Variants in CACNA2D3 observed in about 807,000 individuals in gnomAD.
CACNA2D3 encodes voltage-dependent calcium channel subunit alpha-2/delta-3.
Under a neutral mutation model 160.6 loss-of-function variants are expected in CACNA2D3, and 60 were observed. That is an observed-to-expected ratio of 0.37 (90% CI 0.30 to 0.46). CACNA2D3 has a LOEUF of 0.46. CACNA2D3 is among the 20% of genes least tolerant of loss of function. CACNA2D3 has a pLI of 1.00. For synonymous variants in CACNA2D3, 558 were observed against 492.9 expected (o/e 1.13, Z -1.75); for missense variants, 1,205 against 1,365.0 (o/e 0.88, Z 1.85).
intron 4 of CACNA2D3, among the ~76,000 whole-genome samples, chr3:54,436,782 G>A (rs1054371571): frequency 6.6e-6 from 1 of 152,154 alleles, no homozygotes; most frequent in East Asian, 1.9e-4. Context: ...CCTGTCGGGG[G>A]TGGGGAGCAA....
At chr3:54,677,124 A>T (rs917592159) in intron 11 of CACNA2D3, among the ~76,000 whole-genome samples, 2 of 152,232 alleles carry the variant, frequency 1.3e-5, no homozygotes, top group African/African-American at 4.8e-5. Flanking sequence ...TACATGATTA[A>T]GTTTACAAGC....
chr3:54,691,044 CTG>C (rs1194211966), intron 11 of CACNA2D3, among the ~76,000 whole-genome samples: 17 of 152,128 alleles, frequency 1.1e-4, no homozygotes, highest in African/African-American at 3.9e-4. Context: ...GTGCGTGTGT[CTG>C]TGTGTGTTTG....
chr3:54,637,765 CAAG>C (rs1043451341), intron 10 of CACNA2D3: 32 of 151,990 alleles, frequency 2.1e-4, no homozygotes, highest in Admixed American at 1.2e-3. Context: ...GCCAGTAAGC[CAAG>C]AAGGAGTCAG....
At chr3:54,462,410 A>G (rs1700524131) in intron 4 of CACNA2D3, among the ~76,000 whole-genome samples, 1 of 152,130 alleles carries the variant, frequency 6.6e-6, no homozygotes, top group Admixed American at 6.5e-5. Context: ...GTGGGAGTCT[A>G]AGTCTCTTTG....
At chr3:54,861,055 G>A (rs1464140731) in intron 17 of CACNA2D3, among the ~76,000 whole-genome samples, 1 of 152,150 alleles carries the variant, frequency 6.6e-6, no homozygotes, top group Non-Finnish European at 1.5e-5. Context: ...CACTGTCCTA[G>A]GCATGTGGTC....
At chr3:54,980,765 A>C (rs1383576181) in intron 29 of CACNA2D3, among the ~76,000 whole-genome samples, 2 of 152,188 alleles carry the variant, frequency 1.3e-5, no homozygotes, top group African/African-American at 2.4e-5. Flanking sequence ...AATTTTCAAA[A>C]ATCAAAGAAG....
intron 3 of CACNA2D3, among the ~76,000 whole-genome samples, chr3:54,386,473 G>A (rs558521089): frequency 6.6e-6 from 1 of 152,296 alleles, no homozygotes; most frequent in African/African-American, 2.4e-5. Flanking sequence ...CAGAACACGT[G>A]TGCATTTATA....
intron 2 of CACNA2D3, among the ~76,000 whole-genome samples, chr3:54,260,219 A>C (rs562137004): frequency 5.8e-4 from 89 of 152,332 alleles, no homozygotes; most frequent in Non-Finnish European, 8.8e-4. Flanking sequence ...CTAGACCCCT[A>C]GAATTGACTG....
At chr3:54,409,580 G>A (rs989687112) in intron 4 of CACNA2D3, among the ~76,000 whole-genome samples, 6 of 152,210 alleles carry the variant, frequency 3.9e-5, no homozygotes, top group Admixed American at 2.6e-4. Flanking sequence ...GTTGAAAGCA[G>A]AGATGGGCCG....
At chr3:54,132,103 G>A (rs1699723089) in intron 2 of CACNA2D3, among the ~76,000 whole-genome samples, 2 of 152,252 alleles carry the variant, frequency 1.3e-5, no homozygotes, top group African/African-American at 4.8e-5. Flanking sequence ...TGAAATGTCT[G>A]TTAGTGCAAT....
chr3:54,577,937 G>A (rs1416663737), intron 8 of CACNA2D3, among the ~76,000 whole-genome samples: 1 of 152,180 alleles, frequency 6.6e-6, no homozygotes, highest in Middle Eastern at 3.2e-3. Flanking sequence ...AACAGCATCC[G>A]AGTCCCCGTA....
chr3:54,950,242 A>C (rs977573854), intron 27 of CACNA2D3, among the ~76,000 whole-genome samples: 1 of 152,214 alleles, frequency 6.6e-6, no homozygotes, highest in African/African-American at 2.4e-5. Context: ...TGTTTTGTCA[A>C]ATTTCTTAAA....
intron 4 of CACNA2D3, among the ~76,000 whole-genome samples, chr3:54,414,992 G>A (rs112283073): frequency 6.6e-6 from 1 of 151,970 alleles, no homozygotes. Flanking sequence ...TACATACACA[G>A]TGTGATTGCG....
chr3:54,732,020 T>G (rs1701399263), intron 11 of CACNA2D3, among the ~76,000 whole-genome samples: 1 of 152,212 alleles, frequency 6.6e-6, no homozygotes, highest in South Asian at 2.1e-4. Context: ...CTTCAAATGT[T>G]TGTGGGTTGA....
rs375269579 is a variant in CACNA2D3, at chr3:54,195,304, T to C, written c.204+71710T>C. 2.6e-5 allele frequency among the ~76,000 whole-genome samples: 4 copies of C among 152,312 alleles called. No individual in the cohort carries two copies. In the East Asian group the frequency reaches 7.7e-4, roughly 29 times the overall value. On this transcript the variant is annotated intron_variant, in intron 2 of 37. Coordinates refer to ENST00000474759, the MANE Select transcript of CACNA2D3 (RefSeq NM_018398.3). ...ATGCCTCCCCACCCTGGCTTATTTCTGCGTCTGTGCCTTTGCTAGACCACT... is the reference window on the plus strand; with the variant it reads ...ATGCCTCCCCACCCTGGCTTATTTCCGCGTCTGTGCCTTTGCTAGACCACT...
chr3:54,497,448 GA>G (rs1197756438), intron 4 of CACNA2D3, among the ~76,000 whole-genome samples: 1 of 151,966 alleles, frequency 6.6e-6, no homozygotes, highest in African/African-American at 2.4e-5. Flanking sequence ...AAATAAAATG[GA>G]TTTTGTGTAT....
intron 4 of CACNA2D3, among the ~76,000 whole-genome samples, chr3:54,400,816 A>G (rs1249434435): frequency 2.0e-5 from 3 of 152,236 alleles, no homozygotes; most frequent in Non-Finnish European, 4.4e-5. Context: ...GCAGACATCA[A>G]TGCAAGGAAC....
chr3:54,588,912 T>C (rs1702810626), intron 9 of CACNA2D3, among the ~76,000 whole-genome samples: 1 of 151,120 alleles, frequency 6.6e-6, no homozygotes, highest in African/African-American at 2.4e-5. Flanking sequence ...TTAATAGTTA[T>C]ATATTTAATA....
At chr3:54,517,861 C>T (rs1349159975) in intron 5 of CACNA2D3, among the ~76,000 whole-genome samples, 1 of 152,092 alleles carries the variant, frequency 6.6e-6, no homozygotes, top group Non-Finnish European at 1.5e-5. Context: ...CCAGGGCTGT[C>T]TCATAGCCAG....
Sources: gnomAD v4.1 joint callset for allele counts (sites outside exome capture counted in the v4.1 genomes callset) on GRCh38, gnomAD v4.1.1 for gene constraint, MANE v1.5 for transcripts, NCBI Gene and HGNC (gene_info 2026-07-23, HGNC 2026-07-21) for gene names.